ZDHHC20: variants seen among roughly 807,000 people sequenced by gnomAD.
ZDHHC20 encodes the protein zDHHC palmitoyltransferase 20.
In ZDHHC20, 43 loss-of-function variants were observed where a neutral mutation model predicts 57.8. The observed-to-expected ratio is 0.74, with a 90% CI of 0.58 to 0.96. ZDHHC20 has a LOEUF of 0.96. Ranked by LOEUF, ZDHHC20 falls within the 40% of genes least tolerant of loss-of-function variation. ZDHHC20 has a pLI of 0.00. For missense variants in ZDHHC20, 391 were observed against 441.1 expected, an observed-to-expected ratio of 0.89 and a Z score of 1.02; for synonymous variants, 157 against 153.0, an observed-to-expected ratio of 1.03 and a Z score of -0.19.
intron 5 of ZDHHC20, 62 bp from the exon 6 acceptor site, chr13:21,401,747 A>T: frequency 2.8e-6 from 4 of 1,416,016 alleles, no homozygotes; most frequent in Non-Finnish European, 3.7e-6. Context: ...CTAACTTCTC[A>T]TAATTTTCTT....
At chr13:21,422,098 T>C (rs2137909802) in intron 2 of ZDHHC20, among the ~76,000 whole-genome samples, 1 of 152,222 alleles carries the variant, frequency 6.6e-6, no homozygotes, top group Admixed American at 6.5e-5. Context: ...GAAGGATGCC[T>C]GGCACACAAT....
At chr13:21,406,957 G>A (rs991633810) in intron 4 of ZDHHC20, among the ~76,000 whole-genome samples, 6 of 152,218 alleles carry the variant, frequency 3.9e-5, no homozygotes, top group East Asian at 1.9e-4. Flanking sequence ...GAATCGCCGC[G>A]CTGTCTTCCA....
chr13:21,429,638 C>T (rs1041289942), intron 1 of ZDHHC20, among the ~76,000 whole-genome samples: 9 of 152,296 alleles, frequency 5.9e-5, no homozygotes, highest in Non-Finnish European at 7.4e-5. Context: ...ATATGTCCTT[C>T]GCCAAGTTTG....
At chr13:21,436,943 C>T (rs76915302) in intron 1 of ZDHHC20, among the ~76,000 whole-genome samples, 5,662 of 152,078 alleles carry the variant, frequency 0.037, 323 homozygotes, top group African/African-American at 0.12. Context: ...CTTTGGCCCA[C>T]GTTGTGTACG....
intron 4 of ZDHHC20, among the ~76,000 whole-genome samples, chr13:21,404,786 G>C (rs1413053663): frequency 6.7e-6 from 1 of 149,756 alleles, no homozygotes; most frequent in African/African-American, 2.5e-5. Flanking sequence ...ATGCAGAATA[G>C]AGTTCCCATC....
intron 2 of ZDHHC20, among the ~76,000 whole-genome samples, 187 bp from the exon 3 acceptor site, chr13:21,421,351 T>C (rs1482304360): frequency 6.6e-6 from 1 of 152,204 alleles, no homozygotes; most frequent in Non-Finnish European, 1.5e-5. Flanking sequence ...AGAAATATTC[T>C]GTTCCTATAT....
chr13:21,386,072 G>A (rs1345322305), intron 9 of ZDHHC20, among the ~76,000 whole-genome samples: 1 of 152,228 alleles, frequency 6.6e-6, no homozygotes, highest in Non-Finnish European at 1.5e-5. Context: ...CAAGTAATCT[G>A]TGTTCCAACC....
At chr13:21,438,824 A>G (rs1882821555) in intron 1 of ZDHHC20, among the ~76,000 whole-genome samples, 1 of 152,192 alleles carries the variant, frequency 6.6e-6, no homozygotes, top group African/African-American at 2.4e-5. Flanking sequence ...GTTTTGAGAA[A>G]TTGCCACAGC....
chr13:21,398,232 A>G lies in ZDHHC20; in HGVS notation c.594+2141T>C, dbSNP rs530944622. 2.3e-3 allele frequency among the ~76,000 whole-genome samples: 344 copies of G among 152,266 alleles called. 2 individuals are homozygous for G. The highest frequency in any genetic ancestry group is 8.0e-3 in the African/African-American group (332 of 41,546). On this transcript the variant is annotated intron_variant, in intron 7 of 12. Coordinates refer to ENST00000400590, the MANE Select transcript of ZDHHC20 (RefSeq NM_001330059.2). ...GTAATCCCAGCACTTTGGGAGGTCG[A>G]GGCGGGCAGATCACGAGGTCAGGAG...
At chr13:21,431,112 A>AT in intron 1 of ZDHHC20, among the ~76,000 whole-genome samples, 1 of 152,272 alleles carries the variant, frequency 6.6e-6, no homozygotes, top group South Asian at 2.1e-4. Context: ...TGGACATAAT[A>AT]TTTTTGTATT....
chr13:21,459,021 C>CG, intron 1 of ZDHHC20, 33 bp downstream of exon 1: 6 of 1,537,992 alleles, frequency 3.9e-6, no homozygotes, highest in Non-Finnish European at 4.4e-6. Context: ...CCGCGGCCCG[C>CG]GCCCCGCCGC....
chr13:21,400,064 T>C (rs745929819), intron 7 of ZDHHC20, among the ~76,000 whole-genome samples: 3 of 151,860 alleles, frequency 2.0e-5, no homozygotes, highest in Non-Finnish European at 4.4e-5. Context: ...AAAATTGCAG[T>C]AAGTCTCACC....
At chr13:21,402,508 T>C (rs1421910523) in intron 5 of ZDHHC20, among the ~76,000 whole-genome samples, 3 of 152,176 alleles carry the variant, frequency 2.0e-5, no homozygotes, top group Non-Finnish European at 2.9e-5. Flanking sequence ...TCCTTCAACA[T>C]ATTATCTCCT....
intron 1 of ZDHHC20, among the ~76,000 whole-genome samples, chr13:21,448,434 C>A (rs1451151845): frequency 3.2e-5 from 3 of 93,314 alleles, no homozygotes; most frequent in Non-Finnish European, 5.0e-5. Context: ...CAGCCCCCCG[C>A]CCGGCCAGCC....
chr13:21,412,115 G>C (rs937244753), intron 4 of ZDHHC20, among the ~76,000 whole-genome samples: 1 of 152,202 alleles, frequency 6.6e-6, no homozygotes, highest in Non-Finnish European at 1.5e-5. Context: ...TGAAACAACA[G>C]GAAGGGTGCT....
chr13:21,437,633 C>T (rs1417707210), intron 1 of ZDHHC20, among the ~76,000 whole-genome samples: 1 of 152,108 alleles, frequency 6.6e-6, no homozygotes, highest in Non-Finnish European at 1.5e-5. Flanking sequence ...TCTGCCTATG[C>T]TCTAGAAATG....
chr13:21,425,588 AAAGT>A (rs1593248808), intron 2 of ZDHHC20, 60 bp downstream of exon 2: 1 of 1,120,584 alleles, frequency 8.9e-7, no homozygotes, highest in African/African-American at 1.7e-5. Flanking sequence ...CACTAAATAA[AAAGT>A]ATGTTCCAAT....
chr13:21,430,893 T>C (rs1881832393), intron 1 of ZDHHC20, among the ~76,000 whole-genome samples: 2 of 152,184 alleles, frequency 1.3e-5, no homozygotes, highest in African/African-American at 4.8e-5. Context: ...ACACTTTCCA[T>C]GGATTTTAGC....
chr13:21,436,477 T>A (rs1246149996), intron 1 of ZDHHC20, among the ~76,000 whole-genome samples: 1 of 152,244 alleles, frequency 6.6e-6, no homozygotes, highest in Non-Finnish European at 1.5e-5. Flanking sequence ...ATTCTCACAG[T>A]ATTTCAACCT....
Sources: gnomAD v4.1 joint callset for allele counts (sites outside exome capture counted in the v4.1 genomes callset) on GRCh38, gnomAD v4.1.1 for gene constraint, MANE v1.5 for transcripts, NCBI Gene and HGNC (gene_info 2026-07-23, HGNC 2026-07-21) for gene names.